Variants in SCLY observed in about 807,000 individuals in gnomAD.
The protein encoded by SCLY is selenocysteine lyase, also known as putative selenocysteine lyase.
Under a neutral mutation model 50.1 loss-of-function variants are expected in SCLY, and 38 were observed. The ratio of observed to expected loss-of-function variants is 0.76; its 90% CI spans 0.59 to 0.99. The LOEUF is 0.99. Among genes scored for constraint, SCLY ranks in the 50% least tolerant of loss-of-function variants. The pLI is 0.00. For missense variants in SCLY, 600 were observed against 620.0 expected (o/e 0.97, Z 0.34); for synonymous variants, 243 against 249.4 (o/e 0.97, Z 0.24).
At position 238,083,065 on chromosome 2, in the gene SCLY, C is replaced by A; in HGVS notation, c.778-183C>A. The A allele has an allele frequency of 1.5e-6, 1 of 682,836 alleles. No homozygotes were observed. Among genetic ancestry groups the A allele is most frequent in the South Asian group, 1.5e-5 (1 of 66,460 alleles). The allele number at this position is 682,836 out of a possible 1,614,324, so 42.3% of individuals were successfully genotyped here. On this transcript the variant is annotated intron_variant, in intron 6 of 11. Transcript: ENST00000254663. The surrounding 1 kb of genome is among the most constrained non-coding windows in gnomAD (Gnocchi z 4.3). Reference sequence around the variant, plus strand: ...GCTGCCTCCTAGGTTGGGGTTCCACCCTGCCCCGAAGGCTTTTGTGACTCT... The same window carrying A: ...GCTGCCTCCTAGGTTGGGGTTCCACACTGCCCCGAAGGCTTTTGTGACTCT...
At chr2:238,096,622 G>A (rs1264715542) in intron 10 of SCLY, among the ~76,000 whole-genome samples, 179 bp from the exon 11 acceptor site, 1 of 152,250 alleles carries the variant, frequency 6.6e-6, no homozygotes, top group Admixed American at 6.5e-5. Flanking sequence ...GAGAAAGGAA[G>A]CGTTTTCTTC....
At position 238,065,660 on chromosome 2, in the gene SCLY, TTTATTATTATTATTA is replaced by T. The variant is rs61131460; in HGVS notation, c.202+1209_202+1223del. On this transcript the variant is annotated intron_variant, in intron 2 of 11. Transcript: ENST00000254663. ...GTTATTTAAACTAATAATATTTTAT[TTTATTATTATTATTA>T]TTATTATTATTATTATTTTGAGATT... Among the ~76,000 whole-genome samples the T allele has an allele frequency of 2.1e-4, 30 of 143,506 alleles. 4 individuals carry two copies. Among genetic ancestry groups the T allele is most frequent in the Admixed American group, 2.1e-3 (30 of 14,412 alleles). 94.1% of individuals were successfully genotyped at this position (143,506 alleles called of 152,430 possible).
intron 7 of SCLY, among the ~76,000 whole-genome samples, chr2:238,089,547 A>G (rs1022093293): frequency 1.3e-5 from 2 of 152,138 alleles, no homozygotes; most frequent in Non-Finnish European, 2.9e-5. Context: ...AGCTTGTCCA[A>G]CCTGCGGCCT....
At chr2:238,070,114 T>C (rs2065113615) in intron 4 of SCLY, among the ~76,000 whole-genome samples, 1 of 152,212 alleles carries the variant, frequency 6.6e-6, no homozygotes. Context: ...GCAGTGGCCT[T>C]GTGGCTGTCA....
chr2:238,088,797 C>G (rs2065328832), intron 7 of SCLY, among the ~76,000 whole-genome samples: 1 of 152,098 alleles, frequency 6.6e-6, no homozygotes, highest in Admixed American at 6.5e-5. Flanking sequence ...TACATAAAAC[C>G]TACAGCTGAT....
rs1559254799 is a variant in SCLY, at chr2:238,098,635, G to GA, written c.*281dup. 299 of 276,926 alleles carry GA rather than the reference G, an allele frequency of 1.1e-3. 11 individuals are homozygous for GA. The highest frequency in any genetic ancestry group is 0.011 in the African/African-American group (245 of 23,308). 17.2% of individuals were successfully genotyped at this position (276,926 alleles called of 1,614,324 possible). A position where few individuals can be genotyped will look rare whatever the true frequency, so the allele number is the denominator to read the frequency against. ...CGCCCACATGGGACCGCCCACATGGGACCGCCCACATGGGACCGCCCACAT... is the reference window on the plus strand; with the variant it reads ...CGCCCACATGGGACCGCCCACATGGGAACCGCCCACATGGGACCGCCCACAT... On this transcript the variant is annotated 3_prime_UTR_variant, in exon 12 of 12. Transcript: ENST00000254663.
At position 238,096,857 on chromosome 2, in the gene SCLY, C is replaced by T. The variant is rs1226163724; in HGVS notation, c.1165C>T (p.His389Tyr). The T allele has an allele frequency of 5.6e-6, 9 of 1,611,620 alleles. No homozygotes were observed. The highest frequency in any genetic ancestry group is 6.8e-6 in the Non-Finnish European group (8 of 1,179,206). Residue 389 changes from histidine to tyrosine, a missense_variant, in exon 11 of 12, where the codon CAC becomes TAC. By Grantham distance (83) the His-to-Tyr change is moderately conservative. Transcript: ENST00000254663. Reference sequence around the variant, plus strand: ...GATGGCCAGTGTGGGGGCCGCGTGCCACTCGGACCACGGGGACCAGTAAGT... The same window carrying T: ...GATGGCCAGTGTGGGGGCCGCGTGCTACTCGGACCACGGGGACCAGTAAGT... Reference protein sequence around the residue: ...VLMASVGAACHSDHGDQPSPV... With the variant: ...VLMASVGAACYSDHGDQPSPV...
chr2:238,085,410 C>G (rs1344799267), intron 7 of SCLY, among the ~76,000 whole-genome samples: 1 of 151,632 alleles, frequency 6.6e-6, no homozygotes, highest in Non-Finnish European at 1.5e-5. Context: ...AAATCCAGAC[C>G]ACAGAGAAGA....
At chr2:238,087,019 GAA>G (rs34975994) in intron 7 of SCLY, among the ~76,000 whole-genome samples, 27 of 149,182 alleles carry the variant, frequency 1.8e-4, no homozygotes, top group African/African-American at 2.5e-4. Context: ...AACTCCGTCT[GAA>G]AAAAAAAAAA....
chr2:238,086,099 A>G lies in SCLY; in HGVS notation c.884+2745A>G, dbSNP rs117847886. Among the ~76,000 whole-genome samples, 22 of 152,374 alleles carry G rather than the reference A, an allele frequency of 1.4e-4. 1 individual carries two copies. In the East Asian group the frequency reaches 4.0e-3, roughly 28 times the overall value. ...ACCAGAAAGACCAGAAGAAAGGGAC[A>G]CAATTATTTTTCTTCAAGTGCTCAG... is the stretch of plus-strand genomic sequence containing the variant. On this transcript the variant is annotated intron_variant, in intron 7 of 11. Transcript: ENST00000254663.
intron 8 of SCLY, chr2:238,092,802 C>A (rs77120148): frequency 0.014 from 2,102 of 153,346 alleles, 40 homozygotes; most frequent in African/African-American, 0.048. Flanking sequence ...CCATCCTGCA[C>A]ACGCCCTCCC....
At chr2:238,073,894 A>G (rs1473213448) in intron 4 of SCLY, 1 of 408,164 alleles carries the variant, frequency 2.4e-6, no homozygotes, top group Non-Finnish European at 4.8e-6. Context: ...TTTTTTCTCT[A>G]GCTTACTTTA....
At chr2:238,077,110 C>T (rs1305117647) in intron 4 of SCLY, among the ~76,000 whole-genome samples, 1 of 151,462 alleles carries the variant, frequency 6.6e-6, no homozygotes, top group East Asian at 1.9e-4. Flanking sequence ...TAGTTGATCA[C>T]ACTATTAATC....
rs149428035 is a variant in SCLY at position 238,094,428 on chromosome 2, C to A, written c.1014C>A (p.Phe338Leu). ...TCACTTATTTTTTTCAGGCTGAATT[C>A]GGTCAGAAGAGAATCCATCTGAATA... is the stretch of plus-strand genomic sequence containing the variant. The part of the protein sequence containing the change: ...DYLEERLEAE[F>L]GQKRIHLNSQ... Residue 338 changes from phenylalanine (F) to leucine (L), a missense_variant, in exon 10 of 12, where the codon TTC becomes TTA. By Grantham distance (22) the Phe-to-Leu change is conservative. Transcript: ENST00000254663. The A allele has an allele frequency of 3.7e-6, 6 of 1,612,506 alleles. No individual in the cohort carries two copies. The highest frequency in any genetic ancestry group is 2.2e-5 in the East Asian group (1 of 44,888).
chr2:238,094,156 A>ATCTTTTT (rs1376941116), intron 9 of SCLY: 79 of 617,738 alleles, frequency 1.3e-4, no homozygotes, highest in African/African-American at 1.2e-3. Context: ...CAGGGGCATG[A>ATCTTTTT]TCTTTTTCAG....
chr2:238,076,799 T>G (rs1340407140), intron 4 of SCLY, among the ~76,000 whole-genome samples: 1 of 152,224 alleles, frequency 6.6e-6, no homozygotes, highest in Non-Finnish European at 1.5e-5. Flanking sequence ...TGCTAATGAT[T>G]TCTAATTTTC....
Position 238,083,185 on chromosome 2 carries a change from C to A in SCLY, c.778-63C>A. 8.9e-7 allele frequency: 1 copy of A among 1,120,470 alleles called. No individual in the cohort carries two copies. Among genetic ancestry groups the A allele is most frequent in the Non-Finnish European group, 1.4e-6 (1 of 730,188 alleles). 69.4% of individuals were successfully genotyped at this position (1,120,470 alleles called of 1,614,324 possible). A position where few individuals can be genotyped will look rare whatever the true frequency, so the allele number is the denominator to read the frequency against. On this transcript the variant is annotated intron_variant, in intron 6 of 11. Transcript: ENST00000254663. This position sits in a 1 kb window ranked among gnomAD's most constrained non-coding sequence, Gnocchi z 4.3. The stretch of plus-strand genomic sequence containing the variant: ...CTCCTGTGTGCCCCTAAGCACTTAG[C>A]ATGTATACAGAGTAGGTCCTTGGAA...
Position 238,098,275 on chromosome 2 carries a change from C to G in SCLY, c.1258C>G (p.Arg420Gly). ...GAACGCGCTCCGGCTCAGCGTGGGC[C>G]GCAGCACCACCAGGGCCGAGGTGGA... ...ARNALRLSVG[R>G]STTRAEVDLV... Residue 420 changes from arginine to glycine, a missense_variant, in exon 12 of 12, where the codon CGC becomes GGC. Arg to Gly is a moderately radical substitution (Grantham distance 125). Coordinates refer to ENST00000254663, the MANE Select transcript of SCLY (RefSeq NM_016510.7). 2 of 1,610,286 alleles carry G rather than the reference C, an allele frequency of 1.2e-6. No individual in the cohort carries two copies. The highest frequency in any genetic ancestry group is 2.2e-5 in the South Asian group (2 of 91,040).
chr2:238,061,010 G>A lies in SCLY; in HGVS notation c.-45G>A, dbSNP rs570114440. The A allele has an allele frequency of 5.1e-4, 681 of 1,333,638 alleles. 2 individuals carry two copies. In the African/African-American group the frequency reaches 9.2e-3, roughly 18 times the overall value. 82.6% of individuals were successfully genotyped at this position (1,333,638 alleles called of 1,614,324 possible). A position where few individuals can be genotyped will look rare whatever the true frequency, so the allele number is the denominator to read the frequency against. On this transcript the variant is annotated 5_prime_UTR_variant, in exon 1 of 12. Coordinates refer to ENST00000254663, the MANE Select transcript of SCLY (RefSeq NM_016510.7). Reference sequence around the variant, plus strand: ...CTCCCCGGCGCTCTGGGCCCGTAGCGCTCCGCGGGAAGGAGGCTGGATGCC... The same window carrying A: ...CTCCCCGGCGCTCTGGGCCCGTAGCACTCCGCGGGAAGGAGGCTGGATGCC...
Sources: gnomAD v4.1 joint callset for allele counts (sites outside exome capture counted in the v4.1 genomes callset) on GRCh38, gnomAD v4.1.1 for gene constraint, Gnocchi (gnomAD v3.1) non-coding constraint, MANE v1.5 for transcripts, NCBI Gene and HGNC (gene_info 2026-07-23, HGNC 2026-07-21) for gene names.